Variants in EPHA7 observed in about 807,000 individuals in gnomAD.
The protein encoded by EPHA7 is ephrin type-A receptor 7.
A neutral mutation model predicts 112.6 loss-of-function variants in EPHA7; 25 were observed. The observed-to-expected ratio is 0.22, with a 90% CI of 0.16 to 0.31. EPHA7 has a LOEUF of 0.31. Ranked by LOEUF, EPHA7 falls within the 10% of genes least tolerant of loss-of-function variation. The probability of loss-of-function intolerance (pLI) is 1.00; values close to 1 mark genes in which losing one functional copy is unlikely to be tolerated. For synonymous variants in EPHA7, 437 were observed against 406.5 expected, an observed-to-expected ratio of 1.07 and a Z score of -0.90; for missense variants, 962 against 1,212.6, an observed-to-expected ratio of 0.79 and a Z score of 3.07.
At chr6:93,280,231 AAC>A (rs2127895508) in intron 5 of EPHA7, among the ~76,000 whole-genome samples, 1 of 152,312 alleles carries the variant, frequency 6.6e-6, no homozygotes, top group East Asian at 1.9e-4. Context: ...TAAAGAGCAA[AAC>A]ACACAGAATA....
chr6:93,321,124 C>T (rs1220272122), intron 5 of EPHA7, among the ~76,000 whole-genome samples: 2 of 151,816 alleles, frequency 1.3e-5, no homozygotes, highest in Non-Finnish European at 2.9e-5. Context: ...ATCAGTACAT[C>T]TCAATATGTG....
chr6:93,397,824 T>C (rs1562155529), intron 3 of EPHA7, among the ~76,000 whole-genome samples: 1 of 152,072 alleles, frequency 6.6e-6, no homozygotes, highest in African/African-American at 2.4e-5. Flanking sequence ...TACAAAGTGG[T>C]TTTTAAAAAA....
At position 93,259,339 on chromosome 6, in the gene EPHA7, C is replaced by G; in HGVS notation, c.1924+15G>C. On this transcript the variant is annotated intron_variant, in intron 10 of 16. Transcript: ENST00000369303. ...TAAATGGAACAGCTGAACGAGGAAG[C>G]TACAATAGCCTTACCTGCACCAATC... 1 of 1,610,214 alleles carries G rather than the reference C, an allele frequency of 6.2e-7. No individual in the cohort carries two copies. The highest frequency in any genetic ancestry group is 8.5e-7 in the Non-Finnish European group (1 of 1,177,400).
chr6:93,382,172 A>G (rs1777368467), intron 3 of EPHA7, among the ~76,000 whole-genome samples: 1 of 152,076 alleles, frequency 6.6e-6, no homozygotes, highest in Non-Finnish European at 1.5e-5. Flanking sequence ...GTGGTCCCCA[A>G]CCCTTTTGGT....
intron 3 of EPHA7, among the ~76,000 whole-genome samples, chr6:93,386,688 T>C (rs1777623483): frequency 6.6e-6 from 1 of 152,088 alleles, no homozygotes; most frequent in Non-Finnish European, 1.5e-5. Context: ...CCACGAGGGC[T>C]CCACACCTAC....
At chr6:93,365,836 G>T (rs1776480170) in intron 3 of EPHA7, among the ~76,000 whole-genome samples, 1 of 152,032 alleles carries the variant, frequency 6.6e-6, no homozygotes. Flanking sequence ...AAACTAACAA[G>T]AAAAACTCAT....
intron 14 of EPHA7, 124 bp downstream of exon 14, chr6:93,254,523 T>C (rs1770351417): frequency 1.6e-6 from 1 of 623,736 alleles, no homozygotes; most frequent in Non-Finnish European, 2.5e-6. Context: ...GTGGTAGTAA[T>C]TGTGGAAAAC....
intron 10 of EPHA7, 63 bp downstream of exon 10, chr6:93,259,291 G>C (rs1770581598): frequency 1.3e-6 from 2 of 1,592,748 alleles, no homozygotes; most frequent in Non-Finnish European, 1.7e-6. Context: ...CTGTCATTAT[G>C]ATGTATGACT....
At chr6:93,281,782 CTATGGGTATCTT>C (rs1366977181) in intron 5 of EPHA7, among the ~76,000 whole-genome samples, 1 of 152,042 alleles carries the variant, frequency 6.6e-6, no homozygotes, top group Non-Finnish European at 1.5e-5. Flanking sequence ...AAATGTCATA[CTATGGGTATCTT>C]TAAATTTCCA....
intron 5 of EPHA7, among the ~76,000 whole-genome samples, chr6:93,283,844 A>T (rs190374396): frequency 6.6e-5 from 10 of 152,310 alleles, no homozygotes; most frequent in African/African-American, 2.4e-4. Context: ...TTTGCTTCAC[A>T]TGTTTATGTG....
In EPHA7 at chr6:93,243,314, G is replaced by T. The variant is rs1236298716; in HGVS notation, c.*112C>A. On this transcript the variant is annotated 3_prime_UTR_variant, in exon 17 of 17. Coordinates refer to ENST00000369303, the MANE Select transcript of EPHA7 (RefSeq NM_004440.4). ...GTGCTTCTTAAATCTTCTCTTCACT[G>T]TTGGAAGGACCCAGGACATCACTTG... 1 of 705,038 alleles carries T rather than the reference G, an allele frequency of 1.4e-6. No individual in the cohort carries two copies. Among genetic ancestry groups the T allele is most frequent in the East Asian group, 2.7e-5 (1 of 36,712 alleles). The allele number at this position is 705,038 out of a possible 1,614,324, so 43.7% of individuals were successfully genotyped here.
At chr6:93,286,418 A>G (rs1455591429) in intron 5 of EPHA7, among the ~76,000 whole-genome samples, 1 of 152,174 alleles carries the variant, frequency 6.6e-6, no homozygotes, top group Non-Finnish European at 1.5e-5. Context: ...AGGCTGGGAA[A>G]TGGATTTTTA....
chr6:93,286,523 T>A (rs1772074158), intron 5 of EPHA7, among the ~76,000 whole-genome samples: 1 of 152,168 alleles, frequency 6.6e-6, no homozygotes, highest in East Asian at 1.9e-4. Flanking sequence ...GTCACCTTCA[T>A]CATCCCAATA....
chr6:93,354,748 G>C (rs1275043502), intron 5 of EPHA7, among the ~76,000 whole-genome samples: 1 of 151,418 alleles, frequency 6.6e-6, no homozygotes, highest in Non-Finnish European at 1.5e-5. Context: ...GAAACTTACA[G>C]AAATTTGATA....
intron 5 of EPHA7, among the ~76,000 whole-genome samples, chr6:93,287,030 C>A (rs1160901267): frequency 6.6e-6 from 1 of 152,228 alleles, no homozygotes; most frequent in Admixed American, 6.5e-5. Context: ...CAAATTGATT[C>A]ACAGTACTAA....
At chr6:93,252,198 T>G (rs901357225) in intron 14 of EPHA7, among the ~76,000 whole-genome samples, 2 of 152,052 alleles carry the variant, frequency 1.3e-5, no homozygotes, top group East Asian at 3.9e-4. Context: ...AGCCTGGAAC[T>G]GTGTGGACTT....
At chr6:93,268,073 G>A (rs1771031840) in intron 7 of EPHA7, among the ~76,000 whole-genome samples, 3 of 151,510 alleles carry the variant, frequency 2.0e-5, no homozygotes, top group Non-Finnish European at 3.0e-5. Flanking sequence ...AACTTAAAAT[G>A]CTTTAATGTT....
chr6:93,390,637 G>T lies in EPHA7; in HGVS notation c.832+19864C>A, dbSNP rs140312238. ...GTGGGGATATAAATGTAGAAAAATT[G>T]TAACAATTAGAGTGTCTGAAGACCA... is the stretch of plus-strand genomic sequence containing the variant. On this transcript the variant is annotated intron_variant, in intron 3 of 16. Coordinates refer to ENST00000369303, the MANE Select transcript of EPHA7 (RefSeq NM_004440.4). Among the ~76,000 whole-genome samples, 1,168 of 150,326 alleles carry T rather than the reference G, an allele frequency of 7.8e-3. 27 individuals carry two copies. The highest frequency in any genetic ancestry group is 0.037 in the Admixed American group (564 of 15,062).
At chr6:93,300,295 T>C (rs1027284457) in intron 5 of EPHA7, among the ~76,000 whole-genome samples, 2 of 152,130 alleles carry the variant, frequency 1.3e-5, no homozygotes, top group Non-Finnish European at 2.9e-5. Flanking sequence ...GCTAGAAACA[T>C]TTGTGGCAAC....
Sources: gnomAD v4.1 joint callset for allele counts (sites outside exome capture counted in the v4.1 genomes callset) on GRCh38, gnomAD v4.1.1 for gene constraint, MANE v1.5 for transcripts, NCBI Gene and HGNC (gene_info 2026-07-23, HGNC 2026-07-21) for gene names.